PDSS2: variants seen among roughly 807,000 people sequenced by gnomAD.
The protein encoded by PDSS2 is all trans-polyprenyl-diphosphate synthase PDSS2.
In PDSS2, 31 loss-of-function variants were observed where a neutral mutation model predicts 44.5. The observed-to-expected ratio is 0.70, with a 90% CI of 0.52 to 0.94. PDSS2 has a LOEUF of 0.94. Among genes scored for constraint, PDSS2 ranks in the 40% least tolerant of loss-of-function variants. The pLI, the probability that PDSS2 is intolerant of heterozygous loss-of-function variation, is 0.00. For synonymous variants in PDSS2, 157 were observed against 180.3 expected (o/e 0.87, Z 1.03); for missense variants, 452 against 482.2 (o/e 0.94, Z 0.59).
At chr6:107,290,531 C>G (rs1035435263) in intron 2 of PDSS2, among the ~76,000 whole-genome samples, 2 of 152,154 alleles carry the variant, frequency 1.3e-5, no homozygotes, top group Admixed American at 1.3e-4. Context: ...TTCTCCACCC[C>G]CCGCCTCTCT....
intron 3 of PDSS2, among the ~76,000 whole-genome samples, chr6:107,252,760 T>C (rs1450277503): frequency 1.3e-5 from 2 of 152,102 alleles, no homozygotes; most frequent in Non-Finnish European, 2.9e-5. Flanking sequence ...GAGATACCCA[T>C]CTCAACAAAA....
chr6:107,210,682 C>G, intron 5 of PDSS2, 112 bp from the exon 6 acceptor site: 2 of 744,324 alleles, frequency 2.7e-6, no homozygotes, highest in South Asian at 3.0e-5. Flanking sequence ...TTAAGGAATG[C>G]AGTTTTTAGA....
At chr6:107,252,232 G>C (rs1005409992) in intron 3 of PDSS2, among the ~76,000 whole-genome samples, 2 of 152,194 alleles carry the variant, frequency 1.3e-5, no homozygotes, top group African/African-American at 4.8e-5. Context: ...TCTCTGAAAG[G>C]ATGGCTCTCT....
At chr6:107,181,875 G>A (rs1249346266) in intron 7 of PDSS2, among the ~76,000 whole-genome samples, 3 of 140,872 alleles carry the variant, frequency 2.1e-5, no homozygotes, top group Non-Finnish European at 4.5e-5. Context: ...GGGTGACAGA[G>A]CAAGACTCTG....
At chr6:107,229,732 G>C (rs993442012) in intron 4 of PDSS2, 2 of 152,100 alleles carry the variant, frequency 1.3e-5, no homozygotes, top group African/African-American at 4.8e-5. Flanking sequence ...GTCCTCTCTG[G>C]CTGCTGGAGG....
chr6:107,360,430 A>T (rs987839430), intron 1 of PDSS2, among the ~76,000 whole-genome samples: 2 of 152,214 alleles, frequency 1.3e-5, no homozygotes, highest in African/African-American at 4.8e-5. Flanking sequence ...ATGGAAAGGA[A>T]TATTTGAGAA....
At position 107,459,539 on chromosome 6, in the gene PDSS2, T is replaced by A. The variant is rs933146796; in HGVS notation, c.-254A>T. ...GGGTAGAAACCACAGCCACTGCCTA[T>A]GTGGAGGACGCCATATTGGAGGCAT... On this transcript the variant is annotated 5_prime_UTR_variant, in exon 1 of 8. Coordinates refer to ENST00000369037, the MANE Select transcript of PDSS2 (RefSeq NM_020381.4). This position sits in a 1 kb window ranked among gnomAD's most constrained non-coding sequence, Gnocchi z 4.3. The A allele has an allele frequency of 1.9e-6, 1 of 537,706 alleles. No individual in the cohort carries two copies. Among genetic ancestry groups the A allele is most frequent in the South Asian group, 2.2e-5 (1 of 45,884 alleles). The allele number at this position is 537,706 out of a possible 1,614,324, so 33.3% of individuals were successfully genotyped here. A position where few individuals can be genotyped will look rare whatever the true frequency, so the allele number is the denominator to read the frequency against.
chr6:107,267,942 G>A (rs550998015), intron 3 of PDSS2, among the ~76,000 whole-genome samples: 1 of 151,726 alleles, frequency 6.6e-6, no homozygotes, highest in South Asian at 2.1e-4. Context: ...TTTTACTTTA[G>A]CTTTTAAAAA....
At chr6:107,351,041 G>A (rs1394560141) in intron 1 of PDSS2, among the ~76,000 whole-genome samples, 1 of 151,624 alleles carries the variant, frequency 6.6e-6, no homozygotes, top group Non-Finnish European at 1.5e-5. Flanking sequence ...TTTAAATAAA[G>A]TCAAAAATTG....
chr6:107,270,186 G>T (rs566817830), intron 3 of PDSS2, among the ~76,000 whole-genome samples: 35 of 152,050 alleles, frequency 2.3e-4, no homozygotes, highest in Non-Finnish European at 4.0e-4. Flanking sequence ...TTGGCTCACT[G>T]CAACCTCCAC....
At chr6:107,188,235 G>A (rs1281935006) in intron 7 of PDSS2, among the ~76,000 whole-genome samples, 3 of 151,994 alleles carry the variant, frequency 2.0e-5, no homozygotes, top group Non-Finnish European at 4.4e-5. Flanking sequence ...AAAATTAGCT[G>A]CGCATTGGTG....
At chr6:107,286,794 C>T (rs1776167700) in intron 2 of PDSS2, among the ~76,000 whole-genome samples, 1 of 152,094 alleles carries the variant, frequency 6.6e-6, no homozygotes, top group Admixed American at 6.5e-5. Flanking sequence ...CCTGTAATCC[C>T]AGCACTTTGA....
chr6:107,342,691 A>G lies in PDSS2; in HGVS notation c.297-8359T>C. Among the ~76,000 whole-genome samples the G allele has an allele frequency of 1.3e-5, 2 of 152,204 alleles. 1 individual carries two copies. The highest frequency in any genetic ancestry group is 2.9e-5 in the Non-Finnish European group (2 of 68,034). ...AGAAGATAAGTGTACTTCCAGACAG[A>G]GAGTTGAGGTGGAAAGACAGAATTG... On this transcript the variant is annotated intron_variant, in intron 1 of 7. Coordinates refer to ENST00000369037, the MANE Select transcript of PDSS2 (RefSeq NM_020381.4).
intron 1 of PDSS2, among the ~76,000 whole-genome samples, chr6:107,422,098 A>G (rs117576678): frequency 6.6e-6 from 1 of 151,450 alleles, no homozygotes; most frequent in Non-Finnish European, 1.5e-5. Flanking sequence ...AAAAAAAAAA[A>G]AAAACTTAAA....
chr6:107,455,806 G>A (rs1782023765), intron 1 of PDSS2, among the ~76,000 whole-genome samples: 1 of 142,370 alleles, frequency 7.0e-6, no homozygotes, highest in South Asian at 2.3e-4. Flanking sequence ...CTTAGTTCTA[G>A]TGTTATGAGA....
At chr6:107,296,853 G>T (rs1040729319) in intron 2 of PDSS2, among the ~76,000 whole-genome samples, 3 of 152,112 alleles carry the variant, frequency 2.0e-5, no homozygotes. Flanking sequence ...TGTTATTGAA[G>T]AATGCCTGGT....
At chr6:107,435,351 T>C (rs1781319711) in intron 1 of PDSS2, among the ~76,000 whole-genome samples, 1 of 150,884 alleles carries the variant, frequency 6.6e-6, no homozygotes, top group Non-Finnish European at 1.5e-5. Context: ...GACCTCCTTT[T>C]TGTGTACTCA....
chr6:107,408,288 C>T (rs1316296089), intron 1 of PDSS2, among the ~76,000 whole-genome samples: 1 of 152,180 alleles, frequency 6.6e-6, no homozygotes, highest in Non-Finnish European at 1.5e-5. Context: ...GCTGGGATTA[C>T]AGGCTTGAGC....
intron 7 of PDSS2, among the ~76,000 whole-genome samples, chr6:107,174,041 A>G (rs1771701409): frequency 6.6e-6 from 1 of 152,204 alleles, no homozygotes; most frequent in Non-Finnish European, 1.5e-5. Flanking sequence ...ACAGGCAGGA[A>G]TGGTCTCACA....
Sources: allele counts gnomAD v4.1 joint callset (sites outside exome capture counted in the v4.1 genomes callset), GRCh38; gene constraint gnomAD v4.1.1; non-coding constraint Gnocchi (gnomAD v3.1); transcripts MANE v1.5; gene names NCBI Gene and HGNC (gene_info 2026-07-23, HGNC 2026-07-21).